SV2C: variants seen among roughly 807,000 people sequenced by gnomAD.
SV2C encodes solute carrier family 22 member B3.
In SV2C, 49 loss-of-function variants were observed where a neutral mutation model predicts 79.7. The observed-to-expected ratio is 0.61, with a 90% confidence interval of 0.49 to 0.78. The LOEUF (loss-of-function observed/expected upper bound fraction) is 0.78. SV2C is among the 30% of genes least tolerant of loss of function. The pLI, the probability that SV2C is intolerant of heterozygous loss-of-function variation, is 0.00. For missense variants in SV2C, 833 were observed against 912.9 expected, an observed-to-expected ratio of 0.91 and a Z score of 1.13; for synonymous variants, 334 against 333.2, an observed-to-expected ratio of 1.00 and a Z score of -0.03.
At chr5:76,099,994 A>G (rs933284398) in intron 1 of SV2C, among the ~76,000 whole-genome samples, 1 of 152,202 alleles carries the variant, frequency 6.6e-6, no homozygotes, top group Non-Finnish European at 1.5e-5. Context: ...ATGTACAGCC[A>G]TGTCAGCAAA....
the SV2C span, among the ~76,000 whole-genome samples, chr5:75,908,248 G>C: frequency 6.6e-6 from 1 of 152,176 alleles, no homozygotes; most frequent in Admixed American, 6.5e-5. Flanking sequence ...GGATTTGCCT[G>C]TTCTGGACAT....
the SV2C span, among the ~76,000 whole-genome samples, chr5:76,000,155 C>T: frequency 6.6e-6 from 1 of 152,164 alleles, no homozygotes; most frequent in African/African-American, 2.4e-5. Flanking sequence ...AACACTCTCA[C>T]AGACACACCC....
chr5:76,351,274 T>C (rs948985940), intron 12 of SV2C, among the ~76,000 whole-genome samples: 7 of 151,982 alleles, frequency 4.6e-5, no homozygotes, highest in Non-Finnish European at 8.8e-5. Flanking sequence ...AGTGAGACCT[T>C]GTCTCTACAA....
intron 2 of SV2C, among the ~76,000 whole-genome samples, chr5:76,135,308 C>T (rs1749029403): frequency 6.6e-6 from 1 of 152,194 alleles, no homozygotes. Context: ...TGCCAATGGG[C>T]TATTCCCCAT....
chr5:76,014,780 A>T, the SV2C span, among the ~76,000 whole-genome samples: 1 of 152,210 alleles, frequency 6.6e-6, no homozygotes, highest in South Asian at 2.1e-4. Flanking sequence ...TACCAGATAT[A>T]ATTATACACA....
intron 2 of SV2C, among the ~76,000 whole-genome samples, chr5:76,168,268 C>T (rs1334187149): frequency 6.6e-6 from 1 of 152,128 alleles, no homozygotes; most frequent in Admixed American, 6.6e-5. Flanking sequence ...CCTTCACTGG[C>T]CTTCCCCGAC....
chr5:75,876,604 AAAGT>A, the SV2C span, among the ~76,000 whole-genome samples: 1 of 152,268 alleles, frequency 6.6e-6, no homozygotes, highest in Non-Finnish European at 1.5e-5. Context: ...TAGAGATGAT[AAAGT>A]AATAATAACA....
At chr5:76,034,679 A>G in the SV2C span, among the ~76,000 whole-genome samples, 6 of 152,182 alleles carry the variant, frequency 3.9e-5, no homozygotes, top group Non-Finnish European at 8.8e-5. Flanking sequence ...TTTTGCATCA[A>G]TGTTCATCAA....
chr5:76,290,230 C>A (rs1412755029), intron 6 of SV2C, among the ~76,000 whole-genome samples: 1 of 152,142 alleles, frequency 6.6e-6, no homozygotes, highest in Non-Finnish European at 1.5e-5. Flanking sequence ...GTTTACCTGG[C>A]CAGAAAGAAC....
At chr5:76,242,326 G>T in intron 4 of SV2C, 1 of 1,452,958 alleles carries the variant, frequency 6.9e-7, no homozygotes, top group Non-Finnish European at 9.5e-7. Flanking sequence ...CGGGACATAG[G>T]TGCTGGACGC....
the SV2C span, among the ~76,000 whole-genome samples, chr5:76,049,164 C>A: frequency 6.6e-6 from 1 of 151,542 alleles, no homozygotes; most frequent in Non-Finnish European, 1.5e-5. Flanking sequence ...GATGAAACAC[C>A]CGTTCTACTA....
At chr5:75,921,760 G>T in the SV2C span, 1 of 368,764 alleles carries the variant, frequency 2.7e-6, no homozygotes, top group Non-Finnish European at 5.1e-6. Context: ...GAAGCTCATG[G>T]TATCTACCAA....
At chr5:76,116,349 T>A in intron 1 of SV2C, among the ~76,000 whole-genome samples, 1 of 152,334 alleles carries the variant, frequency 6.6e-6, no homozygotes, top group African/African-American at 2.4e-5. Flanking sequence ...AGTCTCTGAC[T>A]TTTAGCTCCC....
intron 3 of SV2C, among the ~76,000 whole-genome samples, chr5:76,207,817 C>T (rs1396043801): frequency 1.3e-5 from 2 of 152,042 alleles, no homozygotes; most frequent in African/African-American, 2.4e-5. Context: ...TGATGTCTTT[C>T]AATTTTACTA....
the SV2C span, among the ~76,000 whole-genome samples, chr5:76,057,697 T>C: frequency 1.3e-5 from 2 of 152,248 alleles, no homozygotes; most frequent in Middle Eastern, 3.4e-3. Flanking sequence ...CTATTATCCA[T>C]GGGTTTTGTG....
intron 4 of SV2C, among the ~76,000 whole-genome samples, chr5:76,282,374 C>T (rs1212702357): frequency 6.6e-6 from 1 of 152,260 alleles, no homozygotes; most frequent in Non-Finnish European, 1.5e-5. Context: ...GTCAGCCACT[C>T]ATCCATGTAC....
At position 76,312,252 on chromosome 5, in the gene SV2C, CT is replaced by C. The variant is rs1554047212; in HGVS notation, c.2000+10718del. On this transcript the variant is annotated intron_variant, in intron 12 of 12. Coordinates refer to ENST00000502798, the MANE Select transcript of SV2C (RefSeq NM_014979.4). ...CTGTGTGCTTATGGCTCAGGGGCCA[CT>C]TTTTTTTTTTGGGGGGGGGGACAGG... Among the ~76,000 whole-genome samples, 1,206 of 139,208 alleles carry C rather than the reference CT, an allele frequency of 8.7e-3. 13 individuals are homozygous for C. Among genetic ancestry groups the C allele is most frequent in the African/African-American group, 0.027 (1,012 of 37,610 alleles). 91.3% of individuals were successfully genotyped at this position (139,208 alleles called of 152,430 possible).
the SV2C span, among the ~76,000 whole-genome samples, chr5:75,918,401 A>G: frequency 6.6e-6 from 1 of 152,258 alleles, no homozygotes; most frequent in Non-Finnish European, 1.5e-5. Context: ...ATAGTTGCAT[A>G]CGTATTTTTA....
chr5:76,024,939 C>T, the SV2C span, among the ~76,000 whole-genome samples: 1 of 152,150 alleles, frequency 6.6e-6, no homozygotes, highest in Non-Finnish European at 1.5e-5. Flanking sequence ...GAGAAGTGGC[C>T]TGCTCCAAGT....
Sources: gnomAD v4.1 joint callset for allele counts (sites outside exome capture counted in the v4.1 genomes callset) on GRCh38, gnomAD v4.1.1 for gene constraint, MANE v1.5 for transcripts, NCBI Gene and HGNC (gene_info 2026-07-23, HGNC 2026-07-21) for gene names.